Variants in PRKAR1B observed in about 807,000 individuals in gnomAD.
PRKAR1B encodes the protein protein kinase cAMP-dependent type I regulatory subunit beta.
A neutral mutation model predicts 46.5 loss-of-function variants in PRKAR1B; 22 were observed. The ratio of observed to expected loss-of-function variants is 0.47; its 90% confidence interval spans 0.34 to 0.68. The LOEUF (loss-of-function observed/expected upper bound fraction) is 0.68, where lower values mean the gene tolerates loss of function less well. PRKAR1B is among the 30% of genes least tolerant of loss of function. The pLI, the probability that PRKAR1B is intolerant of heterozygous loss-of-function variation, is 0.01. For synonymous variants in PRKAR1B, 259 were observed against 217.7 expected (o/e 1.19, Z -1.67); for missense variants, 445 against 535.6 (o/e 0.83, Z 1.67).
At chr7:620,288 G>T (rs1175075691) in intron 4 of PRKAR1B, among the ~76,000 whole-genome samples, 2 of 152,170 alleles carry the variant, frequency 1.3e-5, no homozygotes, top group East Asian at 3.8e-4. Context: ...CAAGAATACA[G>T]ACCGCCTCTC....
chr7:691,559 C>G, intron 2 of PRKAR1B: 1 of 1,304,466 alleles, frequency 7.7e-7, no homozygotes. Flanking sequence ...CATGTCCACA[C>G]GCCCTTCCGC....
chr7:577,250 C>A (rs558284373), intron 9 of PRKAR1B, among the ~76,000 whole-genome samples: 30 of 152,346 alleles, frequency 2.0e-4, no homozygotes, highest in African/African-American at 7.2e-4. Flanking sequence ...TCTTTGCTGA[C>A]CTCCTGTTTC....
At chr7:662,491 C>A (rs1385488605) in intron 4 of PRKAR1B, among the ~76,000 whole-genome samples, 3 of 142,644 alleles carry the variant, frequency 2.1e-5, no homozygotes, top group Non-Finnish European at 3.1e-5. Flanking sequence ...ACTCTCCCCC[C>A]CATGCCACAG....
intron 4 of PRKAR1B, among the ~76,000 whole-genome samples, chr7:645,417 G>A (rs888626723): frequency 3.3e-5 from 5 of 152,296 alleles, no homozygotes; most frequent in East Asian, 1.9e-4. Context: ...TTGGGAGGCC[G>A]AGGCAGGAGG....
chr7:710,738 C>G (rs1780581622), intron 2 of PRKAR1B, among the ~76,000 whole-genome samples: 1 of 148,852 alleles, frequency 6.7e-6, no homozygotes. Flanking sequence ...CTCCACCTCC[C>G]GGTTCAAGCA....
In PRKAR1B at chr7:689,178, C is replaced by T. The variant is rs564716102; in HGVS notation, c.178-8452G>A. 2.2e-4 allele frequency among the ~76,000 whole-genome samples: 33 copies of T among 152,076 alleles called. No individual in the cohort carries two copies. The East Asian group carries it at 2.3e-3, about 11-fold the overall frequency. On this transcript the variant is annotated intron_variant, in intron 2 of 10. Coordinates refer to ENST00000537384, the MANE Select transcript of PRKAR1B (RefSeq NM_001164760.2). ...TCACCCAGGCTGGAGTGCAGTGGCG[C>T]GATCTCGGCTCACTGCAAGCTCTGC...
chr7:720,328 G>A (rs543558226), intron 1 of PRKAR1B, among the ~76,000 whole-genome samples: 9 of 152,274 alleles, frequency 5.9e-5, no homozygotes, highest in Non-Finnish European at 1.3e-4. Flanking sequence ...AAAGTGCTGG[G>A]ATAACAGGTG....
At chr7:721,476 C>A (rs1452965308) in intron 1 of PRKAR1B, among the ~76,000 whole-genome samples, 1 of 152,124 alleles carries the variant, frequency 6.6e-6, no homozygotes, top group Non-Finnish European at 1.5e-5. Flanking sequence ...CGGAGAAACT[C>A]TGTCTCTACT....
intron 2 of PRKAR1B, among the ~76,000 whole-genome samples, chr7:681,450 C>A (rs1346484204): frequency 3.3e-5 from 5 of 152,132 alleles, no homozygotes; most frequent in Non-Finnish European, 7.4e-5. Context: ...GGGTGAGGCT[C>A]TCCAGGTAAT....
In PRKAR1B at chr7:592,159, C is replaced by T. The variant is rs1781013036; in HGVS notation, c.708+3987G>A. Among the ~76,000 whole-genome samples the T allele has an allele frequency of 3.3e-5, 5 of 152,190 alleles. No homozygotes were observed. The South Asian group carries it at 1.0e-3, about 32-fold the overall frequency. On this transcript the variant is annotated intron_variant, in intron 7 of 10. Coordinates refer to ENST00000537384, the MANE Select transcript of PRKAR1B (RefSeq NM_001164760.2). ...GGGTCCCCACGTGCACACTGTGTGA[C>T]CCTCAGCACATCACGGCTGCCTCAG...
intron 2 of PRKAR1B, among the ~76,000 whole-genome samples, chr7:706,717 G>A (rs1780350717): frequency 6.6e-6 from 1 of 151,628 alleles, no homozygotes; most frequent in Admixed American, 6.6e-5. Flanking sequence ...GAGCCACCGC[G>A]CCCGGCCCAA....
At chr7:610,175 G>C (rs1165776525) in intron 4 of PRKAR1B, among the ~76,000 whole-genome samples, 1 of 152,322 alleles carries the variant, frequency 6.6e-6, no homozygotes, top group Non-Finnish European at 1.5e-5. Context: ...CATGAACAGG[G>C]GGCAGGTCAA....
chr7:681,066 G>C (rs190945187), intron 2 of PRKAR1B, among the ~76,000 whole-genome samples: 4 of 152,072 alleles, frequency 2.6e-5, no homozygotes, highest in African/African-American at 7.2e-5. Flanking sequence ...TGCTGTTCTC[G>C]TGATAGTGAG....
At chr7:690,039 G>A (rs1186660064) in intron 2 of PRKAR1B, among the ~76,000 whole-genome samples, 2 of 147,760 alleles carry the variant, frequency 1.4e-5, no homozygotes, top group Non-Finnish European at 3.0e-5. Context: ...GCTCACGTCT[G>A]TAATCCCAGC....
intron 8 of PRKAR1B, among the ~76,000 whole-genome samples, chr7:580,232 AAAAAAAAAAAAAAAG>A (rs1780093656): frequency 1.6e-5 from 1 of 64,126 alleles, no homozygotes; most frequent in South Asian, 3.2e-4. Flanking sequence ...CCCTGTCTCA[AAAAAAAAAAAAAAAG>A]AAAAAAGAAA....
At chr7:727,129 G>GTCACA in intron 1 of PRKAR1B, 81 bp downstream of exon 1, 1 of 1,189,266 alleles carries the variant, frequency 8.4e-7, no homozygotes, top group Non-Finnish European at 1.0e-6. Flanking sequence ...CCCGCCCGAG[G>GTCACA]CCTGTGAGGA....
At position 549,725 on chromosome 7, in the gene PRKAR1B, C is replaced by T. The variant is rs982298714; in HGVS notation, c.*705G>A. ...CAAAGGAACTTCGAGCCCGGCCCCC[C>T]CTACTGGGGTCTACCTGCGGCCGCG... On this transcript the variant is annotated 3_prime_UTR_variant, in exon 11 of 11. Coordinates refer to ENST00000537384, the MANE Select transcript of PRKAR1B (RefSeq NM_001164760.2). 2 of 152,280 alleles carry T rather than the reference C, an allele frequency of 1.3e-5. No individual in the cohort carries two copies. Among genetic ancestry groups the T allele is most frequent in the Admixed American group, 6.5e-5 (1 of 15,286 alleles). The allele number at this position is 152,280 out of a possible 1,614,324, so 9.4% of individuals were successfully genotyped here.
At chr7:705,222 G>T (rs62432183) in intron 2 of PRKAR1B, among the ~76,000 whole-genome samples, 71,854 of 150,360 alleles carry the variant, frequency 0.48, 17,334 homozygotes, top group Admixed American at 0.53. Flanking sequence ...AAAATCACCT[G>T]AACGCGGGGA....
In PRKAR1B at chr7:666,271, CCGGAACA is replaced by C. The variant is rs1224631693; in HGVS notation, c.440+10951_440+10957del. Reference sequence around the variant, plus strand: ...CATGGTCCTGGCACATCAGAGAGCTCCGGAACATGCGGGGCTGCTTCCCTGGGACACA... The same window carrying C: ...CATGGTCCTGGCACATCAGAGAGCTCTGCGGGGCTGCTTCCCTGGGACACA... On this transcript the variant is annotated intron_variant, in intron 4 of 10. Transcript: ENST00000537384. This position sits in a 1 kb window ranked among gnomAD's most constrained non-coding sequence, Gnocchi z 4.9. Among the ~76,000 whole-genome samples, 656 of 128,880 alleles carry C rather than the reference CCGGAACA, an allele frequency of 5.1e-3. 14 individuals are homozygous for C. In the East Asian group the frequency reaches 0.093, roughly 18 times the overall value. The allele number at this position is 128,880 out of a possible 152,430, so 84.6% of individuals were successfully genotyped here. A position where few individuals can be genotyped will look rare whatever the true frequency, so the allele number is the denominator to read the frequency against.
Sources: gnomAD v4.1 joint callset for allele counts (sites outside exome capture counted in the v4.1 genomes callset) on GRCh38, gnomAD v4.1.1 for gene constraint, Gnocchi (gnomAD v3.1) non-coding constraint, MANE v1.5 for transcripts, NCBI Gene and HGNC (gene_info 2026-07-23, HGNC 2026-07-21) for gene names.